TLN2: variants seen among roughly 807,000 people sequenced by gnomAD.
The protein encoded by TLN2 is talin 2, also known as talin-2.
In TLN2, 118 loss-of-function variants were observed where a neutral mutation model predicts 294.7. The ratio of observed to expected loss-of-function variants is 0.40; its 90% confidence interval spans 0.34 to 0.47. The LOEUF (loss-of-function observed/expected upper bound fraction) is 0.47. Among genes scored for constraint, TLN2 ranks in the 20% least tolerant of loss-of-function variants. The probability of loss-of-function intolerance (pLI) is 0.84; values close to 1 mark genes in which losing one functional copy is unlikely to be tolerated. For missense variants in TLN2, 3,083 were observed against 3,282.2 expected, an observed-to-expected ratio of 0.94 and a Z score of 1.48; for synonymous variants, 1,431 against 1,304.5, an observed-to-expected ratio of 1.10 and a Z score of -2.09.
chr15:62,722,693 A>T (rs2060218266), intron 26 of TLN2, among the ~76,000 whole-genome samples: 1 of 152,100 alleles, frequency 6.6e-6, no homozygotes, highest in South Asian at 2.1e-4. Context: ...TTTGATTTCA[A>T]ATGCCTTTCG....
chr15:62,756,624 A>G (rs779348250), intron 37 of TLN2, among the ~76,000 whole-genome samples: 1 of 152,178 alleles, frequency 6.6e-6, no homozygotes, highest in Non-Finnish European at 1.5e-5. Flanking sequence ...AGGGTTTTGT[A>G]TTCATTCAGA....
intron 51 of TLN2, among the ~76,000 whole-genome samples, chr15:62,809,458 A>G (rs963438593): frequency 6.6e-6 from 1 of 152,140 alleles, no homozygotes; most frequent in Non-Finnish European, 1.5e-5. Context: ...TGACTGCAGC[A>G]TGGTCAGGCC....
chr15:62,582,980 T>G (rs146086792), intron 1 of TLN2, among the ~76,000 whole-genome samples: 1 of 152,296 alleles, frequency 6.6e-6, no homozygotes, highest in African/African-American at 2.4e-5. Context: ...AGTTAGACAC[T>G]TTATCCCTGC....
chr15:62,557,236 G>T lies in TLN2; in HGVS notation c.-237-32451G>T, dbSNP rs1006574720. ...GGTGGAGTCTTGGGGTATGGAAGTC[G>T]TGTTCTCCAGAAGTAGATGGAGCCA... On this transcript the variant is annotated intron_variant, in intron 1 of 58. Coordinates refer to ENST00000636159, the MANE Select transcript of TLN2 (RefSeq NM_015059.3). Among the ~76,000 whole-genome samples the T allele has an allele frequency of 8.5e-5, 13 of 152,154 alleles. 1 individual carries two copies. Among genetic ancestry groups the T allele is most frequent in the Non-Finnish European group, 1.6e-4 (11 of 68,036 alleles).
chr15:62,511,453 A>G (rs1017947291), intron 1 of TLN2, among the ~76,000 whole-genome samples: 1 of 152,284 alleles, frequency 6.6e-6, no homozygotes, highest in East Asian at 1.9e-4. Context: ...ATTCTATCCC[A>G]TAGTGCATTT....
At position 62,722,507 on chromosome 15, in the gene TLN2, G is replaced by C; in HGVS notation, c.3126+20G>C. On this transcript the variant is annotated intron_variant, in intron 26 of 58. Transcript: ENST00000636159. ...CAGAAGGCAAGTGGAGCGTGTCATA[G>C]GGGTTAACTTGTCAGGAAGGGAGCT... is the stretch of plus-strand genomic sequence containing the variant. The C allele has an allele frequency of 3.8e-6, 6 of 1,596,504 alleles. No homozygotes were observed. Among genetic ancestry groups the C allele is most frequent in the Admixed American group, 1.7e-5 (1 of 59,334 alleles).
intron 9 of TLN2, among the ~76,000 whole-genome samples, chr15:62,671,751 C>G (rs1056616827): frequency 2.0e-5 from 3 of 152,128 alleles, no homozygotes; most frequent in African/African-American, 4.8e-5. Context: ...ACCACTACTA[C>G]CAAACTATTT....
chr15:62,504,862 A>G (rs2039515090), intron 1 of TLN2, among the ~76,000 whole-genome samples: 2 of 150,680 alleles, frequency 1.3e-5, no homozygotes, highest in African/African-American at 4.9e-5. Flanking sequence ...AGAGAGAGAG[A>G]GAGAGAGAGG....
At position 62,582,246 on chromosome 15, in the gene TLN2, A is replaced by ACACACACACACACACACACACACC. The variant is rs764248336; in HGVS notation, c.-237-7439_-237-7438insCACACACACACACACACACACCCA. 5.0e-4 allele frequency among the ~76,000 whole-genome samples: 69 copies of ACACACACACACACACACACACACC among 137,306 alleles called. 1 individual carries two copies. The highest frequency in any genetic ancestry group is 7.5e-4 in the South Asian group (3 of 3,978). 90.1% of individuals were successfully genotyped at this position (137,306 alleles called of 152,430 possible). A position where few individuals can be genotyped will look rare whatever the true frequency, so the allele number is the denominator to read the frequency against. On this transcript the variant is annotated intron_variant, in intron 1 of 58. Transcript: ENST00000636159. ...CACACACACACACACACACACACAC[A>ACACACACACACACACACACACACC]CATTCATGCCTGACCCATTCCTGAC...
Position 62,549,480 on chromosome 15 carries a change from GCATCCATCCATC to G in TLN2, c.-237-40176_-237-40165del, listed in dbSNP as rs58665636. Among the ~76,000 whole-genome samples the G allele has an allele frequency of 7.5e-3, 1,108 of 147,860 alleles. 17 individuals carry two copies. The highest frequency in any genetic ancestry group is 0.026 in the African/African-American group (1,039 of 39,706). ...CTCAGAGGCCTGCCATGCATGCCATGCATCCATCCATCCATCCATCCATCCATCCATCCATCC... is the reference window on the plus strand; with the variant it reads ...CTCAGAGGCCTGCCATGCATGCCATGCATCCATCCATCCATCCATCCATCC... On this transcript the variant is annotated intron_variant, in intron 1 of 58. Transcript: ENST00000636159.
chr15:62,461,735 G>A (rs998598910), intron 1 of TLN2, among the ~76,000 whole-genome samples: 1 of 152,180 alleles, frequency 6.6e-6, no homozygotes, highest in African/African-American at 2.4e-5. Context: ...AAGGATGAGA[G>A]CAAGGCCAAC....
intron 50 of TLN2, among the ~76,000 whole-genome samples, chr15:62,801,118 C>G (rs940265411): frequency 6.6e-6 from 1 of 152,212 alleles, no homozygotes; most frequent in Non-Finnish European, 1.5e-5. Flanking sequence ...ATTCTGTGAA[C>G]AGTGCTTAGC....
intron 2 of TLN2, among the ~76,000 whole-genome samples, chr15:62,597,756 G>A (rs1293770140): frequency 1.3e-5 from 2 of 152,148 alleles, no homozygotes; most frequent in African/African-American, 2.4e-5. Flanking sequence ...ATGTCTTTGG[G>A]ATGGGACCCA....
At chr15:62,647,548 T>C in intron 4 of TLN2, 102 bp downstream of exon 4, 1 of 1,482,684 alleles carries the variant, frequency 6.7e-7, no homozygotes, top group South Asian at 1.3e-5. Context: ...AGCCTATTAG[T>C]GCATATGTTT....
chr15:62,784,618 T>C (rs1435164095), intron 45 of TLN2: 5 of 152,288 alleles, frequency 3.3e-5, no homozygotes, highest in African/African-American at 1.2e-4. Flanking sequence ...AGGAGCTTTG[T>C]AGCATCTATA....
At chr15:62,707,016 C>A in intron 19 of TLN2, 70 bp from the exon 20 acceptor site, 4 of 1,462,334 alleles carry the variant, frequency 2.7e-6, no homozygotes, top group South Asian at 3.0e-5. Context: ...ATTTTAATAA[C>A]GTTTATTTTC....
intron 14 of TLN2, 133 bp downstream of exon 14, chr15:62,694,525 C>T (rs1265367647): frequency 4.3e-6 from 3 of 693,826 alleles, no homozygotes; most frequent in Non-Finnish European, 7.4e-6. Flanking sequence ...GTTGAATCTT[C>T]TTCAAGCGTG....
chr15:62,427,407 T>A (rs2034773190), intron 1 of TLN2, among the ~76,000 whole-genome samples: 1 of 152,162 alleles, frequency 6.6e-6, no homozygotes, highest in South Asian at 2.1e-4. Context: ...GTCTAGTCCC[T>A]ATTCTGAGGT....
At chr15:62,717,789 A>G (rs2059878585) in intron 24 of TLN2, 100 bp downstream of exon 24, 2 of 870,868 alleles carry the variant, frequency 2.3e-6, no homozygotes, top group South Asian at 2.6e-5. Flanking sequence ...AGATTATCCA[A>G]GCTCCTAATC....
Sources: gnomAD v4.1 joint callset for allele counts (sites outside exome capture counted in the v4.1 genomes callset) on GRCh38, gnomAD v4.1.1 for gene constraint, MANE v1.5 for transcripts, NCBI Gene and HGNC (gene_info 2026-07-23, HGNC 2026-07-21) for gene names.